EP400: variants seen among roughly 807,000 people sequenced by gnomAD.
EP400 encodes E1A binding protein p400, also known as E1A-binding protein p400.
EP400 carries 105 observed loss-of-function variants against 354.1 expected under a neutral mutation model. That is an observed-to-expected ratio of 0.30 (90% CI 0.25 to 0.35). The LOEUF (loss-of-function observed/expected upper bound fraction) is 0.35, where lower values mean the gene tolerates loss of function less well. Ranked by LOEUF, EP400 falls within the 10% of genes least tolerant of loss-of-function variation. The pLI is 1.00. For missense variants in EP400, 3,280 were observed against 4,121.0 expected (o/e 0.80, Z 5.59); for synonymous variants, 1,646 against 1,716.9 (o/e 0.96, Z 1.02).
chr12:132,061,604 G>A (rs940865694), intron 45 of EP400, among the ~76,000 whole-genome samples: 6 of 152,180 alleles, frequency 3.9e-5, no homozygotes, highest in Non-Finnish European at 8.8e-5. Context: ...CTGCCTGCGG[G>A]CCAGAGTGGA....
chr12:132,034,886 A>C (rs1414306603), intron 30 of EP400, among the ~76,000 whole-genome samples: 2 of 152,158 alleles, frequency 1.3e-5, no homozygotes, highest in Admixed American at 6.5e-5. Context: ...CGCCTGACCC[A>C]CACAGACCCC....
In EP400 at chr12:132,021,112, C is replaced by T; in HGVS notation, c.4481C>T (p.Ser1494Phe). 1 of 1,600,076 alleles carries T rather than the reference C, an allele frequency of 6.2e-7. No individual in the cohort carries two copies. Among genetic ancestry groups the T allele is most frequent in the Non-Finnish European group, 8.5e-7 (1 of 1,179,704 alleles). Residue 1494 changes from serine to phenylalanine, a missense_variant, in exon 23 of 53, where the codon TCC (serine) becomes TTC (phenylalanine). Ser to Phe is a radical substitution (Grantham distance 155). This residue lies in a region of EP400 where 342 missense variants were observed against 342.7 expected (regional missense o/e 1.00). Transcript: ENST00000389561. The stretch of plus-strand genomic sequence containing the variant: ...GCCCCGTTTCAGACCTCTCAGGCTT[C>T]CGCCAGTGCTCCACGACACCAGCCC... The part of the protein sequence containing the change: ...AAAPFQTSQA[S>F]ASAPRHQPAS...
Position 132,077,881 on chromosome 12 carries a change from G to C in EP400, c.*208G>C, listed in dbSNP as rs924867031. Reference sequence around the variant, plus strand: ...TGGAGTGCCGCGTTCTCTGTACTACGTGGCTCATGGAAAAAGTGACAACAT... The same window carrying C: ...TGGAGTGCCGCGTTCTCTGTACTACCTGGCTCATGGAAAAAGTGACAACAT... On this transcript the variant is annotated 3_prime_UTR_variant, in exon 53 of 53. Transcript: ENST00000389561. The C allele has an allele frequency of 3.0e-6, 2 of 667,144 alleles. No individual in the cohort carries two copies. The highest frequency in any genetic ancestry group is 1.8e-5 in the African/African-American group (1 of 55,352). The allele number at this position is 667,144 out of a possible 1,614,324, so 41.3% of individuals were successfully genotyped here.
At chr12:132,020,264 G>C in intron 22 of EP400, 46 bp downstream of exon 22, 2 of 1,527,590 alleles carry the variant, frequency 1.3e-6, no homozygotes, top group Non-Finnish European at 1.8e-6. Flanking sequence ...GGAGGTTTTT[G>C]TGGGACAAGT....
intron 14 of EP400, 87 bp downstream of exon 14, chr12:132,006,389 A>G (rs1214990713): frequency 2.1e-6 from 3 of 1,445,876 alleles, no homozygotes; most frequent in Non-Finnish European, 2.8e-6. Flanking sequence ...TCCTCTTCCC[A>G]GTGAAATGGT....
chr12:131,966,008 T>C (rs1428539688), intron 2 of EP400, among the ~76,000 whole-genome samples: 1 of 151,842 alleles, frequency 6.6e-6, no homozygotes, highest in Non-Finnish European at 1.5e-5. Flanking sequence ...TCTGAAAGTA[T>C]TCTGGTTTGG....
chr12:132,040,436 C>T (rs1037311345), intron 32 of EP400, among the ~76,000 whole-genome samples: 2 of 152,116 alleles, frequency 1.3e-5, no homozygotes, highest in East Asian at 3.9e-4. Context: ...GCAGCACTGT[C>T]CCAGCAGCCA....
intron 29 of EP400, among the ~76,000 whole-genome samples, chr12:132,030,418 C>G (rs1390114219): frequency 6.6e-6 from 1 of 152,234 alleles, no homozygotes; most frequent in Non-Finnish European, 1.5e-5. Flanking sequence ...TGGCGTACTT[C>G]AAGAGGTGGC....
intron 2 of EP400, among the ~76,000 whole-genome samples, chr12:131,965,308 A>T (rs1281502754): frequency 1.3e-5 from 2 of 152,148 alleles, no homozygotes; most frequent in African/African-American, 4.8e-5. Flanking sequence ...GACTATGTAA[A>T]TATCCTGAAT....
Position 131,990,842 on chromosome 12 carries a change from T to C in EP400, c.2629+128T>C, listed in dbSNP as rs1385945848. ...ATCTGCTCATCAGCCAGCTGCCTGA[T>C]TGTTACATTTCTCTTTGTGTGGCCA... is the stretch of plus-strand genomic sequence containing the variant. On this transcript the variant is annotated intron_variant, in intron 9 of 52. Coordinates refer to ENST00000389561, the MANE Select transcript of EP400 (RefSeq NM_015409.5). This position sits in a 1 kb window ranked among gnomAD's most constrained non-coding sequence, Gnocchi z 4.2. The C allele has an allele frequency of 1.6e-5, 11 of 686,326 alleles. No homozygotes were observed. The highest frequency in any genetic ancestry group is 2.3e-5 in the Non-Finnish European group (9 of 392,946). 42.5% of individuals were successfully genotyped at this position (686,326 alleles called of 1,614,324 possible).
chr12:131,999,522 T>C (rs1424072929), intron 12 of EP400, among the ~76,000 whole-genome samples: 1 of 152,172 alleles, frequency 6.6e-6, no homozygotes, highest in Non-Finnish European at 1.5e-5. Context: ...CACTGCAACC[T>C]CCGCCTCCTG....
intron 47 of EP400, among the ~76,000 whole-genome samples, chr12:132,063,969 C>G (rs886592109): frequency 1.3e-5 from 2 of 151,170 alleles, no homozygotes; most frequent in African/African-American, 4.9e-5. Flanking sequence ...CTTTGACCCC[C>G]CCGGCCCACA....
In EP400 at chr12:132,029,946, G is replaced by A. The variant is rs774070830; in HGVS notation, c.5584+43G>A. 11 of 1,611,962 alleles carry A rather than the reference G, an allele frequency of 6.8e-6. No homozygotes were observed. Among genetic ancestry groups the A allele is most frequent in the East Asian group, 2.2e-5 (1 of 44,884 alleles). On this transcript the variant is annotated intron_variant, in intron 28 of 52. Coordinates refer to ENST00000389561, the MANE Select transcript of EP400 (RefSeq NM_015409.5). The surrounding 1 kb of genome is among the most constrained non-coding windows in gnomAD (Gnocchi z 4.7). ...GCGTGGCCCGTGCGGGAGCTGCACC[G>A]GCCCTGGATGATGAGGCGCTCTTGA...
Position 132,062,198 on chromosome 12 carries a change from T to C in EP400, c.7973T>C (p.Leu2658Pro). ...TCCCCAGCCACGGCGACCCCTGACC[T>C]GGTGTCCATGGCAACGACTCAGGGT... is the stretch of plus-strand genomic sequence containing the variant. ...VGSPATATPD[L>P]VSMATTQGVR... is the part of the protein sequence containing the mutation. Residue 2658 changes from leucine (L) to proline (P), a missense_variant, in exon 46 of 53, where the codon CTG becomes CCG. Coordinates refer to ENST00000389561, the MANE Select transcript of EP400 (RefSeq NM_015409.5). 1 of 1,614,118 alleles carries C rather than the reference T, an allele frequency of 6.2e-7. No homozygotes were observed. Among genetic ancestry groups the C allele is most frequent in the Non-Finnish European group, 8.5e-7 (1 of 1,180,012 alleles).
chr12:132,027,318 C>A lies in EP400; in HGVS notation c.5015-119C>A. On this transcript the variant is annotated intron_variant, in intron 25 of 52. Coordinates refer to ENST00000389561, the MANE Select transcript of EP400 (RefSeq NM_015409.5). This position sits in a 1 kb window ranked among gnomAD's most constrained non-coding sequence, Gnocchi z 4.9. ...ATGAGGACTTGGGGACATGCCGTTG[C>A]AGAATGACTTTCTGTGGAGTGTGCT... 1 of 975,248 alleles carries A rather than the reference C, an allele frequency of 1.0e-6. No individual in the cohort carries two copies. The highest frequency in any genetic ancestry group is 1.6e-6 in the Non-Finnish European group (1 of 621,022). 60.4% of individuals were successfully genotyped at this position (975,248 alleles called of 1,614,324 possible). A position where few individuals can be genotyped will look rare whatever the true frequency, so the allele number is the denominator to read the frequency against.
chr12:132,076,252 G>T, intron 51 of EP400: 25 of 483,454 alleles, frequency 5.2e-5, no homozygotes, highest in East Asian at 8.6e-5. Flanking sequence ...TTTGTGAAAA[G>T]AAAAAATGTG....
At chr12:132,023,464 C>G (rs904731553) in intron 23 of EP400, among the ~76,000 whole-genome samples, 2 of 151,916 alleles carry the variant, frequency 1.3e-5, no homozygotes, top group Non-Finnish European at 2.9e-5. Flanking sequence ...CTGATTTCTG[C>G]TATTTTTGTT....
intron 2 of EP400, 121 bp downstream of exon 2, chr12:131,962,075 G>A: frequency 5.3e-6 from 7 of 1,317,170 alleles, no homozygotes; most frequent in Non-Finnish European, 7.1e-6. Flanking sequence ...CTAAGGTGTT[G>A]GGGCAAGGAT....
chr12:132,016,229 A>G (rs1426067055), intron 19 of EP400, among the ~76,000 whole-genome samples: 1 of 151,998 alleles, frequency 6.6e-6, no homozygotes. Flanking sequence ...AGCTCTCCTG[A>G]TGCTTGTCTC....
Sources: allele counts gnomAD v4.1 joint callset (sites outside exome capture counted in the v4.1 genomes callset), GRCh38; gene constraint gnomAD v4.1.1; regional missense constraint gnomAD v4.1.1; non-coding constraint Gnocchi (gnomAD v3.1); transcripts MANE v1.5; gene names NCBI Gene and HGNC (gene_info 2026-07-23, HGNC 2026-07-21).